Variants in CBFA2T3 observed in about 807,000 individuals in gnomAD.
The protein encoded by CBFA2T3 is CBFA2/RUNX1 partner transcriptional co-repressor 3.
CBFA2T3 carries 31 observed loss-of-function variants against 58.6 expected under a neutral mutation model. That is an observed-to-expected ratio of 0.53 (90% CI 0.40 to 0.71). The LOEUF (loss-of-function observed/expected upper bound fraction) is 0.71, where lower values mean the gene tolerates loss of function less well. Among genes scored for constraint, CBFA2T3 ranks in the 30% least tolerant of loss-of-function variants. The pLI is 0.00. For synonymous variants in CBFA2T3, 531 were observed against 421.9 expected, an observed-to-expected ratio of 1.26 and a Z score of -3.17; for missense variants, 1,076 against 963.1, an observed-to-expected ratio of 1.12 and a Z score of -1.55.
At chr16:88,909,285 T>C (rs1426230890) in intron 1 of CBFA2T3, among the ~76,000 whole-genome samples, 1 of 152,198 alleles carries the variant, frequency 6.6e-6, no homozygotes, top group Non-Finnish European at 1.5e-5. Context: ...TGTGCCTCAG[T>C]TGGCCCCTCC....
chr16:88,958,676 C>T lies in CBFA2T3; in HGVS notation c.151+17981G>A, dbSNP rs539746249. Among the ~76,000 whole-genome samples, 21 of 152,232 alleles carry T rather than the reference C, an allele frequency of 1.4e-4. No homozygotes were observed. Among genetic ancestry groups the T allele is most frequent in the African/African-American group, 5.1e-4 (21 of 41,546 alleles). The stretch of plus-strand genomic sequence containing the variant: ...CTACCTTTGGAGGGAGACAAACTCG[C>T]TCCCCCAGGGCCGGGGGCTGGGGGC... On this transcript the variant is annotated intron_variant, in intron 1 of 11. Coordinates refer to ENST00000268679, the MANE Select transcript of CBFA2T3 (RefSeq NM_005187.6). This position sits in a 1 kb window ranked among gnomAD's most constrained non-coding sequence, Gnocchi z 4.0.
chr16:88,878,815 G>T (rs114443776), intron 11 of CBFA2T3, among the ~76,000 whole-genome samples: 2 of 152,184 alleles, frequency 1.3e-5, no homozygotes, highest in Admixed American at 1.3e-4. Flanking sequence ...GTGTGGTGGC[G>T]GGCGCCTGTA....
At chr16:88,941,644 CG>C (rs1971738004) in intron 1 of CBFA2T3, 2 of 145,110 alleles carry the variant, frequency 1.4e-5, no homozygotes, top group East Asian at 4.1e-4. Context: ...GGGGGCGGCG[CG>C]GGGAGGCGCA....
intron 1 of CBFA2T3, among the ~76,000 whole-genome samples, chr16:88,945,095 T>C (rs886943751): frequency 6.6e-6 from 1 of 152,230 alleles, no homozygotes; most frequent in South Asian, 2.1e-4. Context: ...CTGCCAAGAA[T>C]AGAAAGTCTG....
intron 1 of CBFA2T3, among the ~76,000 whole-genome samples, chr16:88,968,877 G>T (rs955213624): frequency 1.3e-5 from 2 of 152,148 alleles, no homozygotes; most frequent in African/African-American, 4.8e-5. Flanking sequence ...CGAGGCCCTG[G>T]ACCTGAGTGC....
intron 7 of CBFA2T3, 144 bp from the exon 8 acceptor site, chr16:88,882,905 G>A (rs911174108): frequency 6.1e-6 from 4 of 658,968 alleles, no homozygotes; most frequent in African/African-American, 1.8e-5. Flanking sequence ...AGGGCTGGTT[G>A]ACTTGGTGAC....
In CBFA2T3 at chr16:88,904,403, A is replaced by G. The variant is rs559178778; in HGVS notation, c.152-2747T>C. On this transcript the variant is annotated intron_variant, in intron 1 of 11. Transcript: ENST00000268679. ...TCGGAGAGATGAAGTCATCTACCCA[A>G]GGTCACACCGCGAGTGTGCTGCGGG... is the stretch of plus-strand genomic sequence containing the variant. Among the ~76,000 whole-genome samples the G allele has an allele frequency of 6.5e-3, 984 of 152,048 alleles. 6 individuals carry two copies. The highest frequency in any genetic ancestry group is 0.022 in the African/African-American group (925 of 41,468).
Position 88,953,644 on chromosome 16 carries a change from T to A in CBFA2T3, c.151+23013A>T, listed in dbSNP as rs546733061. On this transcript the variant is annotated intron_variant, in intron 1 of 11. Coordinates refer to ENST00000268679, the MANE Select transcript of CBFA2T3 (RefSeq NM_005187.6). This position sits in a 1 kb window ranked among gnomAD's most constrained non-coding sequence, Gnocchi z 4.9. ...CGGGACGATGACGAGGTGAGGTGTC[T>A]GCTCCCAGGCTGTGTGTGGCTTGGA... 6.6e-6 allele frequency among the ~76,000 whole-genome samples: 1 copy of A among 152,298 alleles called. No individual in the cohort carries two copies. The highest frequency in any genetic ancestry group is 2.4e-5 in the African/African-American group (1 of 41,558).
chr16:88,965,824 T>C (rs1160442126), intron 1 of CBFA2T3, among the ~76,000 whole-genome samples: 2 of 152,124 alleles, frequency 1.3e-5, no homozygotes, highest in South Asian at 2.1e-4. Flanking sequence ...TAGGGGAACT[T>C]GGCTTGTCAA....
At chr16:88,904,764 G>A (rs941029519) in intron 1 of CBFA2T3, among the ~76,000 whole-genome samples, 2 of 152,160 alleles carry the variant, frequency 1.3e-5, no homozygotes, top group Non-Finnish European at 1.5e-5. Flanking sequence ...GGGACCTCAC[G>A]GGTGTCTGTT....
chr16:88,898,710 A>G (rs1969987300), intron 2 of CBFA2T3, among the ~76,000 whole-genome samples: 1 of 152,144 alleles, frequency 6.6e-6, no homozygotes, highest in Non-Finnish European at 1.5e-5. Context: ...TCGGCACTGG[A>G]GGAGGAAGCA....
Position 88,876,980 on chromosome 16 carries a change from C to G in CBFA2T3, c.1958G>C (p.Arg653Pro). Residue 653 changes from arginine to proline, a missense_variant, in exon 12 of 12, where the codon CGC becomes CCC. Coordinates refer to ENST00000268679, the MANE Select transcript of CBFA2T3 (RefSeq NM_005187.6). ...GCAGGCCAGGGGCCAGTGGGGTCAG[C>G]GGGGCACGGTGTCCAGTGGGCCAGG... is the stretch of plus-strand genomic sequence containing the variant. ...SPPGPLDTVP[R>P] 1 of 1,442,328 alleles carries G rather than the reference C, an allele frequency of 6.9e-7. No homozygotes were observed. The highest frequency in any genetic ancestry group is 9.1e-7 in the Non-Finnish European group (1 of 1,103,292). The allele number at this position is 1,442,328 out of a possible 1,614,324, so 89.3% of individuals were successfully genotyped here. A position where few individuals can be genotyped will look rare whatever the true frequency, so the allele number is the denominator to read the frequency against.
intron 1 of CBFA2T3, among the ~76,000 whole-genome samples, chr16:88,911,753 C>T (rs962495447): frequency 3.3e-5 from 5 of 152,268 alleles, no homozygotes; most frequent in African/African-American, 7.2e-5. Context: ...CCACAACGGC[C>T]GCGTGGAGCT....
intron 1 of CBFA2T3, among the ~76,000 whole-genome samples, chr16:88,920,443 A>ATTT (rs368094716): frequency 2.2e-5 from 3 of 138,880 alleles, no homozygotes; most frequent in Non-Finnish European, 3.1e-5. Flanking sequence ...TACCCGGCCA[A>ATTT]TTTTTTTTTT....
At chr16:88,936,241 G>A (rs908100698) in intron 1 of CBFA2T3, among the ~76,000 whole-genome samples, 2 of 152,136 alleles carry the variant, frequency 1.3e-5, no homozygotes, top group South Asian at 2.1e-4. Flanking sequence ...TTTCCTGGGC[G>A]TCTCCCAGGT....
At chr16:88,966,576 G>A (rs115178183) in intron 1 of CBFA2T3, among the ~76,000 whole-genome samples, 150 of 152,202 alleles carry the variant, frequency 9.9e-4, no homozygotes, top group African/African-American at 3.4e-3. Context: ...CCGGTGCCAG[G>A]CCCTGCCCAG....
At chr16:88,909,252 G>A (rs1219550200) in intron 1 of CBFA2T3, among the ~76,000 whole-genome samples, 1 of 152,188 alleles carries the variant, frequency 6.6e-6, no homozygotes, top group Non-Finnish European at 1.5e-5. Flanking sequence ...GGTCCAGGAC[G>A]GGCTCTGGAC....
intron 1 of CBFA2T3, among the ~76,000 whole-genome samples, chr16:88,969,507 G>A (rs1972596157): frequency 6.6e-6 from 1 of 152,220 alleles, no homozygotes; most frequent in Non-Finnish European, 1.5e-5. Context: ...CCTTCAGGAG[G>A]GGCTCGCCGC....
At chr16:88,896,229 G>T (rs930192555) in intron 3 of CBFA2T3, among the ~76,000 whole-genome samples, 12 of 152,256 alleles carry the variant, frequency 7.9e-5, no homozygotes, top group African/African-American at 1.2e-4. Context: ...CCTACGGGGG[G>T]GCTGCAGGAT....
Sources: gnomAD v4.1 joint callset for allele counts (sites outside exome capture counted in the v4.1 genomes callset) on GRCh38, gnomAD v4.1.1 for gene constraint, Gnocchi (gnomAD v3.1) non-coding constraint, MANE v1.5 for transcripts, NCBI Gene and HGNC (gene_info 2026-07-23, HGNC 2026-07-21) for gene names.